Variants in TMEM255B observed in about 807,000 individuals in gnomAD.
TMEM255B encodes transmembrane protein 255B.
TMEM255B carries 35 observed loss-of-function variants against 34.5 expected under a neutral mutation model. The observed-to-expected ratio is 1.01, with a 90% CI of 0.77 to 1.34. The LOEUF is 1.34. Ranked by LOEUF, TMEM255B falls within the 40% of genes most tolerant of loss-of-function variation. The pLI, the probability that TMEM255B is intolerant of heterozygous loss-of-function variation, is 0.00. For synonymous variants in TMEM255B, 206 were observed against 201.2 expected, an observed-to-expected ratio of 1.02 and a Z score of -0.20; for missense variants, 432 against 433.2, an observed-to-expected ratio of 1.00 and a Z score of 0.02.
At chr13:113,776,980 C>T (rs2050590165) in intron 3 of TMEM255B, among the ~76,000 whole-genome samples, 2 of 152,114 alleles carry the variant, frequency 1.3e-5, no homozygotes, top group East Asian at 3.9e-4. Context: ...GGGCTGTCTG[C>T]TTGTAAAGTG....
chr13:113,810,332 C>T (rs1287767480), intron 8 of TMEM255B, among the ~76,000 whole-genome samples: 1 of 152,088 alleles, frequency 6.6e-6, no homozygotes, highest in Non-Finnish European at 1.5e-5. Flanking sequence ...GAAGTTCCCC[C>T]TAGAATTTAA....
chr13:113,772,103 G>A (rs948062526), intron 3 of TMEM255B, among the ~76,000 whole-genome samples: 8 of 152,122 alleles, frequency 5.3e-5, no homozygotes, highest in African/African-American at 1.9e-4. Flanking sequence ...TAGTGATGTC[G>A]AGCATCTCTT....
chr13:113,808,338 G>A (rs2051223620), intron 8 of TMEM255B, among the ~76,000 whole-genome samples: 1 of 152,194 alleles, frequency 6.6e-6, no homozygotes, highest in Non-Finnish European at 1.5e-5. Flanking sequence ...TGGCATCACA[G>A]CAGAAGATGA....
intron 8 of TMEM255B, among the ~76,000 whole-genome samples, chr13:113,809,702 G>A (rs2051264792): frequency 6.6e-6 from 1 of 151,846 alleles, no homozygotes; most frequent in Non-Finnish European, 1.5e-5. Flanking sequence ...TGGTTCCTGA[G>A]TTTTACTCCA....
chr13:113,809,311 G>A (rs2051255171), intron 8 of TMEM255B, among the ~76,000 whole-genome samples: 1 of 34,070 alleles, frequency 2.9e-5, no homozygotes, highest in African/African-American at 1.3e-4. Context: ...GTGGTTCCTG[G>A]GGGTTTACTC....
intron 1 of TMEM255B, among the ~76,000 whole-genome samples, chr13:113,759,594 A>G (rs900890951): frequency 2.0e-5 from 3 of 151,718 alleles, no homozygotes; most frequent in Non-Finnish European, 4.4e-5. Context: ...CTGCCTCCTC[A>G]GTCTTTGCCT....
At chr13:113,761,781 C>G (rs2140797517) in intron 1 of TMEM255B, among the ~76,000 whole-genome samples, 1 of 152,314 alleles carries the variant, frequency 6.6e-6, no homozygotes, top group Admixed American at 6.5e-5. Context: ...TGATTTCCAT[C>G]CTACAGGTCA....
Position 113,814,902 on chromosome 13 carries a change from G to T in TMEM255B, c.*2999G>T, listed in dbSNP as rs2138596934. 6.6e-6 allele frequency: 1 copy of T among 151,250 alleles called. No homozygotes were observed. Among genetic ancestry groups the T allele is most frequent in the Middle Eastern group, 3.4e-3 (1 of 292 alleles). 9.4% of individuals were successfully genotyped at this position (151,250 alleles called of 1,614,324 possible). On this transcript the variant is annotated 3_prime_UTR_variant, in exon 9 of 9. Coordinates refer to ENST00000375353, the MANE Select transcript of TMEM255B (RefSeq NM_182614.4). ...TGGGGGTGCTGTGGCCCCGGGGCAG[G>T]GGGTGCTGGGGGGTTTGGGGTGCTG... is the stretch of plus-strand genomic sequence containing the variant.
In TMEM255B at chr13:113,759,242, C is replaced by G. The variant is rs968488004; in HGVS notation, c.-28C>G. The G allele has an allele frequency of 8.1e-7, 1 of 1,227,064 alleles. No individual in the cohort carries two copies. The highest frequency in any genetic ancestry group is 1.6e-5 in the African/African-American group (1 of 64,146). 76.0% of individuals were successfully genotyped at this position (1,227,064 alleles called of 1,614,324 possible). Reference sequence around the variant, plus strand: ...CCTGGCGGCGGGACTGTGGCTGTGGCCCCGGGAGAGCCGGGTGGGGCCTCG... The same window carrying G: ...CCTGGCGGCGGGACTGTGGCTGTGGGCCCGGGAGAGCCGGGTGGGGCCTCG... On this transcript the variant is annotated 5_prime_UTR_variant, in exon 1 of 9. Coordinates refer to ENST00000375353, the MANE Select transcript of TMEM255B (RefSeq NM_182614.4).
chr13:113,801,559 C>A (rs1417306703), intron 6 of TMEM255B, 94 bp from the exon 7 acceptor site: 26 of 1,390,774 alleles, frequency 1.9e-5, no homozygotes, highest in Non-Finnish European at 2.4e-5. Context: ...TTTCCTCCCC[C>A]AGCCCTGCAG....
chr13:113,775,558 C>T (rs2050562205), intron 3 of TMEM255B, among the ~76,000 whole-genome samples: 1 of 152,268 alleles, frequency 6.6e-6, no homozygotes, highest in South Asian at 2.1e-4. Context: ...GCCAAGGCCC[C>T]ACGGCCCCGA....
intron 8 of TMEM255B, among the ~76,000 whole-genome samples, chr13:113,808,326 C>G (rs1054715629): frequency 1.1e-4 from 17 of 152,142 alleles, no homozygotes; most frequent in Admixed American, 1.1e-3. Context: ...CAGGGGAGGA[C>G]GTGGCATCAC....
intron 8 of TMEM255B, 109 bp from the exon 9 acceptor site, chr13:113,811,627 C>T (rs370888811): frequency 3.8e-6 from 5 of 1,313,262 alleles, no homozygotes; most frequent in African/African-American, 3.2e-5. Flanking sequence ...CCTGGGTTGG[C>T]GGGGTGGGTG....
rs1264357059 is a variant in TMEM255B at position 113,806,215 on chromosome 13, C to T, written c.813+1187C>T. Among the ~76,000 whole-genome samples, 1 of 152,178 alleles carries T rather than the reference C, an allele frequency of 6.6e-6. No individual in the cohort carries two copies. Among genetic ancestry groups the T allele is most frequent in the Non-Finnish European group, 1.5e-5 (1 of 68,026 alleles). Reference sequence around the variant, plus strand: ...CCCGAGAGCCACGACCTTCTCAGCTCACCTGGGGACCTGCACCAGGGACCC... The same window carrying T: ...CCCGAGAGCCACGACCTTCTCAGCTTACCTGGGGACCTGCACCAGGGACCC... On this transcript the variant is annotated intron_variant, in intron 8 of 8. Transcript: ENST00000375353. This position sits in a 1 kb window ranked among gnomAD's most constrained non-coding sequence, Gnocchi z 4.2.
At chr13:113,771,101 G>A (rs916339658) in intron 3 of TMEM255B, among the ~76,000 whole-genome samples, 1 of 152,196 alleles carries the variant, frequency 6.6e-6, no homozygotes, top group African/African-American at 2.4e-5. Flanking sequence ...AGCACAGCCA[G>A]TGTTAAAACA....
intron 3 of TMEM255B, among the ~76,000 whole-genome samples, chr13:113,774,071 A>G (rs888270814): frequency 6.6e-6 from 1 of 152,092 alleles, no homozygotes; most frequent in Non-Finnish European, 1.5e-5. Flanking sequence ...GAAAATCGCA[A>G]TGAACCCTCC....
intron 3 of TMEM255B, 32 bp from the exon 4 acceptor site, chr13:113,795,116 G>A (rs536693183): frequency 1.2e-6 from 2 of 1,610,064 alleles, no homozygotes; most frequent in East Asian, 4.5e-5. Flanking sequence ...GTTGGTAAAA[G>A]CTGGGCACCC....
At position 113,806,945 on chromosome 13, in the gene TMEM255B, C is replaced by T. The variant is rs890917180; in HGVS notation, c.813+1917C>T. ...GCATGGGTGCCAAGAACGTGCAGCC[C>T]AGAGCATAGCCTCGGTGGCCCATGC... is the stretch of plus-strand genomic sequence containing the variant. On this transcript the variant is annotated intron_variant, in intron 8 of 8. Transcript: ENST00000375353. This position sits in a 1 kb window ranked among gnomAD's most constrained non-coding sequence, Gnocchi z 4.2. 6.6e-6 allele frequency among the ~76,000 whole-genome samples: 1 copy of T among 152,218 alleles called. No homozygotes were observed. Among genetic ancestry groups the T allele is most frequent in the Non-Finnish European group, 1.5e-5 (1 of 68,012 alleles).
intron 1 of TMEM255B, chr13:113,761,244 C>T (rs2050304130): frequency 3.0e-6 from 3 of 985,280 alleles, no homozygotes; most frequent in Non-Finnish European, 3.6e-6. Context: ...CAAGCAGTGC[C>T]ACCTCCCATG....
Sources: allele counts gnomAD v4.1 joint callset (sites outside exome capture counted in the v4.1 genomes callset), GRCh38; gene constraint gnomAD v4.1.1; non-coding constraint Gnocchi (gnomAD v3.1); transcripts MANE v1.5; gene names NCBI Gene and HGNC (gene_info 2026-07-23, HGNC 2026-07-21).